The following EGFR variants were observed in gnomAD, a reference collection of about 807,000 sequenced individuals.
EGFR encodes the protein epidermal growth factor receptor.
Under a neutral mutation model 143.0 loss-of-function variants are expected in EGFR, and 58 were observed. That is an observed-to-expected ratio of 0.41 (90% confidence interval 0.33 to 0.50). EGFR has a LOEUF of 0.50. Ranked by LOEUF, EGFR falls within the 20% of genes least tolerant of loss-of-function variation. The pLI is 0.39. For synonymous variants in EGFR, 613 were observed against 594.4 expected (o/e 1.03, Z -0.45); for missense variants, 1,307 against 1,579.0 (o/e 0.83, Z 2.92).
Position 55,156,775 on chromosome 7 carries a change from ACTC to A in EGFR, c.1157_1159del (p.Pro386del). ...TTGTTTCAGTGACTCCTTCACACAT[ACTC>A]CTCCTCTGGATCCACAGGAACTGGA... On this transcript the variant is annotated inframe_deletion, in exon 10 of 28. Transcript: ENST00000275493. 1 of 1,613,942 alleles carries A rather than the reference ACTC, an allele frequency of 6.2e-7. No homozygotes were observed. Among genetic ancestry groups the A allele is most frequent in the Non-Finnish European group, 8.5e-7 (1 of 1,180,010 alleles).
At position 55,140,047 on chromosome 7, in the gene EGFR, TTTTGGGGGGTCA is replaced by T; in HGVS notation, c.89-2231_89-2220del. Among the ~76,000 whole-genome samples, 3 of 151,724 alleles carry T rather than the reference TTTTGGGGGGTCA, an allele frequency of 2.0e-5. 1 individual carries two copies. Among genetic ancestry groups the T allele is most frequent in the Middle Eastern group, 6.9e-3 (2 of 290 alleles). On this transcript the variant is annotated intron_variant, in intron 1 of 27. Transcript: ENST00000275493. ...AGTGCTAAATAAGCCCTGAAGGGGC[TTTTGGGGGGTCA>T]TTTGGGGCTTATTTAGCACTTTTTG... is the stretch of plus-strand genomic sequence containing the variant.
intron 1 of EGFR, among the ~76,000 whole-genome samples, chr7:55,066,253 C>G (rs967807409): frequency 1.3e-5 from 2 of 152,196 alleles, no homozygotes; most frequent in Admixed American, 1.3e-4. Flanking sequence ...TAAGTGAAAA[C>G]TAAAAAATTA....
intron 1 of EGFR, among the ~76,000 whole-genome samples, chr7:55,068,753 T>A (rs1303592893): frequency 2.0e-5 from 3 of 152,138 alleles, no homozygotes; most frequent in Non-Finnish European, 4.4e-5. Flanking sequence ...AGAACACACT[T>A]GGAATAACCT....
chr7:55,125,522 C>T (rs1584102965), intron 1 of EGFR, among the ~76,000 whole-genome samples: 1 of 152,236 alleles, frequency 6.6e-6, no homozygotes, highest in African/African-American at 2.4e-5. Context: ...AAAGCAAACA[C>T]ATACCTAGGG....
At chr7:55,155,764 C>T (rs1365773124) in intron 7 of EGFR, 66 bp from the exon 8 acceptor site, 9 of 1,269,382 alleles carry the variant, frequency 7.1e-6, no homozygotes, top group African/African-American at 1.5e-5. Context: ...GGACCTGGAC[C>T]GCCTGTGTGA....
chr7:55,155,941 G>A lies in EGFR; in HGVS notation c.1001G>A (p.Arg334His), dbSNP rs771929085. Residue 334 changes from arginine (R) to histidine (H), a missense_variant, in exon 8 of 28, where the codon CGC becomes CAC. Arg to His is a conservative substitution (Grantham distance 29). This residue lies in a region of EGFR where 311 missense variants were observed against 412.3 expected (regional missense o/e 0.75). Transcript: ENST00000275493. ...TGTAAGAAGTGCGAAGGGCCTTGCC[G>A]CAAAGGTAGGAAGCCCGCCGGTGTG... is the stretch of plus-strand genomic sequence containing the variant. ...RKCKKCEGPCRKVCNGIGIGE... is the reference protein window; with the variant it reads ...RKCKKCEGPCHKVCNGIGIGE... 3.1e-6 allele frequency: 5 copies of A among 1,611,162 alleles called. No individual in the cohort carries two copies. The highest frequency in any genetic ancestry group is 2.2e-5 in the South Asian group (2 of 90,824).
chr7:55,060,876 C>T (rs921119143), intron 1 of EGFR, among the ~76,000 whole-genome samples: 5 of 152,166 alleles, frequency 3.3e-5, no homozygotes, highest in African/African-American at 1.2e-4. Flanking sequence ...AAATCATGGA[C>T]GTGCTCTGGT....
chr7:55,116,098 C>G (rs1184074784), intron 1 of EGFR, among the ~76,000 whole-genome samples: 1 of 152,208 alleles, frequency 6.6e-6, no homozygotes, highest in African/African-American at 2.4e-5. Context: ...TGAAAACATG[C>G]TTTCCCCATG....
Position 55,206,308 on chromosome 7 carries a change from C to A in EGFR, c.*691C>A. ...AAATGTCCCCACGGTACTTACTCCC[C>A]ACTGATGGACCAGTGGTTTCCAGTC... On this transcript the variant is annotated 3_prime_UTR_variant, in exon 28 of 28. Transcript: ENST00000275493. The A allele has an allele frequency of 4.3e-6, 1 of 234,712 alleles. No homozygotes were observed. Among genetic ancestry groups the A allele is most frequent in the East Asian group, 6.0e-5 (1 of 16,602 alleles). The allele number at this position is 234,712 out of a possible 1,614,324, so 14.5% of individuals were successfully genotyped here. A position where few individuals can be genotyped will look rare whatever the true frequency, so the allele number is the denominator to read the frequency against.
chr7:55,136,472 G>A (rs1001969496), intron 1 of EGFR, among the ~76,000 whole-genome samples: 13 of 152,138 alleles, frequency 8.5e-5, no homozygotes, highest in African/African-American at 2.9e-4. Context: ...TGGTCACATG[G>A]CCATCCATTG....
At chr7:55,109,854 T>C in intron 1 of EGFR, 1 of 985,520 alleles carries the variant, frequency 1.0e-6, no homozygotes, top group Non-Finnish European at 1.2e-6. Flanking sequence ...TCCACTGGAC[T>C]TCAGAACAAG....
At chr7:55,149,369 AC>A (rs776631606) in intron 4 of EGFR, among the ~76,000 whole-genome samples, 106 of 152,260 alleles carry the variant, frequency 7.0e-4, no homozygotes, top group Non-Finnish European at 1.3e-3. Context: ...TTTCTGTCAC[AC>A]ACACACACGC....
chr7:55,118,953 T>G lies in EGFR; in HGVS notation c.89-23333T>G, dbSNP rs145234627. The G allele has an allele frequency of 7.9e-5, 12 of 152,290 alleles. No individual in the cohort carries two copies. The East Asian group carries it at 2.3e-3, about 29-fold the overall frequency. The allele number at this position is 152,290 out of a possible 1,614,324, so 9.4% of individuals were successfully genotyped here. On this transcript the variant is annotated intron_variant, in intron 1 of 27. Coordinates refer to ENST00000275493, the MANE Select transcript of EGFR (RefSeq NM_005228.5). ...AAATAAATTTTAAAAACATTTTTAT[T>G]AACAAATCCTACCTTTCCTCCAAAG...
chr7:55,128,820 A>G (rs1793678469), intron 1 of EGFR, among the ~76,000 whole-genome samples: 1 of 152,224 alleles, frequency 6.6e-6, no homozygotes. Context: ...AGCAAGGAAA[A>G]ATACTTCCTC....
chr7:55,162,546 G>A (rs963967606), intron 13 of EGFR, among the ~76,000 whole-genome samples: 1 of 152,238 alleles, frequency 6.6e-6, no homozygotes, highest in Non-Finnish European at 1.5e-5. Context: ...CAAATGGACA[G>A]TGGTCTCATG....
Position 55,155,939 on chromosome 7 carries a change from C to G in EGFR, c.999C>G (p.Cys333Trp), listed in dbSNP as rs1428229665. The G allele has an allele frequency of 6.2e-7, 1 of 1,612,578 alleles. No homozygotes were observed. The highest frequency in any genetic ancestry group is 8.5e-7 in the Non-Finnish European group (1 of 1,179,322). ...AGTGTAAGAAGTGCGAAGGGCCTTG[C>G]CGCAAAGGTAGGAAGCCCGCCGGTG... is the stretch of plus-strand genomic sequence containing the variant. ...VRKCKKCEGP[C>W]RKVCNGIGIG... Residue 333 changes from cysteine to tryptophan, a missense_variant, in exon 8 of 28, where the codon TGC becomes TGG. Cys to Trp is a radical substitution (Grantham distance 215). Transcript: ENST00000275493.
rs181809534 is a variant in EGFR at position 55,091,309 on chromosome 7, C to T, written c.89-50977C>T. 2.1e-3 allele frequency among the ~76,000 whole-genome samples: 320 copies of T among 152,312 alleles called. 2 individuals carry two copies. Among genetic ancestry groups the T allele is most frequent in the African/African-American group, 6.8e-3 (284 of 41,558 alleles). ...AAGTCAGTCTTTCATCTGTAATTATCTACTATGGGGTAAAAAGTGATGAAA... is the reference window on the plus strand; with the variant it reads ...AAGTCAGTCTTTCATCTGTAATTATTTACTATGGGGTAAAAAGTGATGAAA... On this transcript the variant is annotated intron_variant, in intron 1 of 27. Transcript: ENST00000275493.
intron 1 of EGFR, among the ~76,000 whole-genome samples, chr7:55,052,637 A>T (rs1788554141): frequency 6.6e-6 from 1 of 152,150 alleles, no homozygotes; most frequent in African/African-American, 2.4e-5. Context: ...TGAGGAAGGG[A>T]TGCAGCCAGG....
intron 1 of EGFR, among the ~76,000 whole-genome samples, chr7:55,132,496 G>T: frequency 6.6e-6 from 1 of 152,238 alleles, no homozygotes; most frequent in South Asian, 2.1e-4. Context: ...TTTATTTTTA[G>T]TGGTAAATGG....
Sources: gnomAD v4.1 joint callset for allele counts (sites outside exome capture counted in the v4.1 genomes callset) on GRCh38, gnomAD v4.1.1 for gene constraint, gnomAD v4.1.1 regional missense constraint, MANE v1.5 for transcripts, NCBI Gene and HGNC (gene_info 2026-07-23, HGNC 2026-07-21) for gene names.